MTMR9: variants seen among roughly 807,000 people sequenced by gnomAD.
The protein encoded by MTMR9 is myotubularin related protein 9, also known as myotubularin-related protein 9.
Under a neutral mutation model 69.5 loss-of-function variants are expected in MTMR9, and 39 were observed. That is an observed-to-expected ratio of 0.56 (90% confidence interval 0.43 to 0.73). The LOEUF is 0.73. MTMR9 is among the 30% of genes least tolerant of loss of function. The probability of loss-of-function intolerance (pLI) is 0.00; values close to 1 mark genes in which losing one functional copy is unlikely to be tolerated. For synonymous variants in MTMR9, 354 were observed against 240.8 expected (o/e 1.47, Z -4.35); for missense variants, 900 against 671.2 (o/e 1.34, Z -3.77).
rs114846188 is a variant in MTMR9 at position 11,306,110 on chromosome 8, T to A, written c.592-80T>A. 1.7e-3 allele frequency: 2,056 copies of A among 1,233,982 alleles called. 23 individuals are homozygous for A. In the African/African-American group the frequency reaches 0.026, roughly 16 times the overall value. The allele number at this position is 1,233,982 out of a possible 1,614,324, so 76.4% of individuals were successfully genotyped here. A position where few individuals can be genotyped will look rare whatever the true frequency, so the allele number is the denominator to read the frequency against. On this transcript the variant is annotated intron_variant, in intron 4 of 9. Transcript: ENST00000221086. ...TCACACAATTGTTTTTGAGATACTC[T>A]TAATCTAGCTAATTTCTTTCTGTTT... is the stretch of plus-strand genomic sequence containing the variant.
At chr8:11,298,241 T>G (rs1799624799) in intron 2 of MTMR9, among the ~76,000 whole-genome samples, 1 of 152,210 alleles carries the variant, frequency 6.6e-6, no homozygotes, top group Non-Finnish European at 1.5e-5. Flanking sequence ...GCTTATTGCC[T>G]GTGAGAGTGG....
intron 8 of MTMR9, chr8:11,318,622 AT>A (rs1161921516): frequency 6.6e-6 from 1 of 152,112 alleles, no homozygotes; most frequent in African/African-American, 2.4e-5. Flanking sequence ...GTTAAAATGT[AT>A]TTTTTTCTAA....
chr8:11,303,242 C>T (rs928385600), intron 3 of MTMR9, among the ~76,000 whole-genome samples: 7 of 149,434 alleles, frequency 4.7e-5, no homozygotes, highest in Admixed American at 1.4e-4. Context: ...TGGACAAGTG[C>T]GACGGGATGG....
intron 2 of MTMR9, among the ~76,000 whole-genome samples, chr8:11,297,593 C>G (rs1416402772): frequency 6.6e-6 from 1 of 150,690 alleles, no homozygotes; most frequent in Non-Finnish European, 1.5e-5. Flanking sequence ...TTTCTTATTC[C>G]TTTGTGAGAA....
downstream of MTMR9, among the ~76,000 whole-genome samples, chr8:11,333,132 A>ATAAGT (rs1563298957): frequency 6.6e-6 from 1 of 152,244 alleles, no homozygotes; most frequent in African/African-American, 2.4e-5. Flanking sequence ...GATGAAAGAC[A>ATAAGT]TAAGTGTACA....
At chr8:11,316,598 A>T in intron 7 of MTMR9, 75 bp from the exon 8 acceptor site, 1 of 881,400 alleles carries the variant, frequency 1.1e-6, no homozygotes, top group Admixed American at 2.9e-5. Context: ...GTAATTGTGT[A>T]TAGTGGTGTC....
rs187037291 is a variant in MTMR9 at position 11,319,968 on chromosome 8, T to G, written c.1486+130T>G. ...CCCTCAGACCTGTGTGAATTGTCAT[T>G]CTCAGTGTGGGCATGTTTTTCTCTT... On this transcript the variant is annotated intron_variant, in intron 9 of 9. Transcript: ENST00000221086. 438 of 821,446 alleles carry G rather than the reference T, an allele frequency of 5.3e-4. 3 individuals are homozygous for G. In the African/African-American group the frequency reaches 6.8e-3, roughly 13 times the overall value. The allele number at this position is 821,446 out of a possible 1,614,324, so 50.9% of individuals were successfully genotyped here. A position where few individuals can be genotyped will look rare whatever the true frequency, so the allele number is the denominator to read the frequency against.
At chr8:11,328,779 T>C (rs962697158), downstream of MTMR9, among the ~76,000 whole-genome samples, 2 of 152,224 alleles carry the variant, frequency 1.3e-5, no homozygotes, top group African/African-American at 4.8e-5. Flanking sequence ...AACTGGTAGA[T>C]ATCACCTTAT....
chr8:11,314,002 G>T (rs1171928974), intron 6 of MTMR9, among the ~76,000 whole-genome samples: 1 of 152,162 alleles, frequency 6.6e-6, no homozygotes, highest in Non-Finnish European at 1.5e-5. Flanking sequence ...ATCCATGAAC[G>T]AGCTATGCCT....
chr8:11,326,049 C>G lies in MTMR9; in HGVS notation c.*3261C>G, dbSNP rs1233180391. 6.6e-6 allele frequency: 1 copy of G among 152,052 alleles called. No homozygotes were observed. The highest frequency in any genetic ancestry group is 1.9e-4 in the East Asian group (1 of 5,202). 9.4% of individuals were successfully genotyped at this position (152,052 alleles called of 1,614,324 possible). On this transcript the variant is annotated 3_prime_UTR_variant, in exon 10 of 10. Transcript: ENST00000221086. ...GGATGAAATTTTGTGGGGTTTTAGT[C>G]TTTGATTCAGTCAGTATTTGGTTTA...
intron 7 of MTMR9, 78 bp from the exon 8 acceptor site, chr8:11,316,595 T>C: frequency 1.2e-6 from 1 of 826,772 alleles, no homozygotes; most frequent in Non-Finnish European, 1.8e-6. Context: ...ACTGTAATTG[T>C]GTATAGTGGT....
the MTMR9 span, among the ~76,000 whole-genome samples, chr8:11,337,455 G>T: frequency 2.0e-5 from 3 of 152,074 alleles, no homozygotes; most frequent in African/African-American, 7.2e-5. Flanking sequence ...ATTTTTGTGG[G>T]GTTTTTCCTC....
rs1585111087 is a variant in MTMR9 at position 11,294,987 on chromosome 8, A to G, written c.183-207A>G. On this transcript the variant is annotated intron_variant, in intron 1 of 9. Coordinates refer to ENST00000221086, the MANE Select transcript of MTMR9 (RefSeq NM_015458.4). ...GTTAGCTTAATGTGAATTACTTTAT[A>G]TATTTGAAATTTAAAAAAGACATAT... 9 of 347,310 alleles carry G rather than the reference A, an allele frequency of 2.6e-5. No individual in the cohort carries two copies. The East Asian group carries it at 4.1e-4, about 16-fold the overall frequency. 21.5% of individuals were successfully genotyped at this position (347,310 alleles called of 1,614,324 possible). A position where few individuals can be genotyped will look rare whatever the true frequency, so the allele number is the denominator to read the frequency against.
At chr8:11,291,202 A>G (rs969604104) in intron 1 of MTMR9, among the ~76,000 whole-genome samples, 27 of 152,180 alleles carry the variant, frequency 1.8e-4, no homozygotes, top group African/African-American at 5.3e-4. Context: ...TTGGAGTCAA[A>G]TTGACATCTT....
At chr8:11,309,725 C>A in intron 6 of MTMR9, 37 bp downstream of exon 6, 1 of 1,602,908 alleles carries the variant, frequency 6.2e-7, no homozygotes. Context: ...CGAAACATGG[C>A]GCTGCTAACT....
intron 4 of MTMR9, 78 bp downstream of exon 4, chr8:11,305,092 T>C (rs1198814667): frequency 1.4e-6 from 2 of 1,404,114 alleles, no homozygotes; most frequent in South Asian, 1.3e-5. Context: ...TCCCTTTTGC[T>C]CTCTGTCTGT....
At chr8:11,297,789 A>T (rs1049884520) in intron 2 of MTMR9, 3 of 447,924 alleles carry the variant, frequency 6.7e-6, no homozygotes, top group African/African-American at 4.0e-5. Context: ...ACTGAAAAGA[A>T]GCCGTAAATT....
Position 11,302,253 on chromosome 8 carries a change from C to CAA in MTMR9, c.417+2125_417+2126dup, listed in dbSNP as rs34305448. On this transcript the variant is annotated intron_variant, in intron 3 of 9. Transcript: ENST00000221086. ...GGGTGAGAGAGCAAGACCCTGTCTC[C>CAA]AAAAAAAAAAAAAAAAAAAAAGAGG... Among the ~76,000 whole-genome samples the CAA allele has an allele frequency of 3.0e-3, 179 of 58,884 alleles. 1 individual carries two copies. Among genetic ancestry groups the CAA allele is most frequent in the African/African-American group, 5.6e-3 (83 of 14,804 alleles). The allele number at this position is 58,884 out of a possible 152,430, so 38.6% of individuals were successfully genotyped here. A position where few individuals can be genotyped will look rare whatever the true frequency, so the allele number is the denominator to read the frequency against.
chr8:11,315,023 A>G lies in MTMR9; in HGVS notation c.1072A>G (p.Ile358Val), dbSNP rs775415715. ...CATCTTAGAGCCAAGAAGCAGGACC[A>G]TTCGTGGTTTTGAGGCCCTGATTGA... ...QIILEPRSRT[I>V]RGFEALIERE... The change falls in exon 7 of 10, where the codon ATT becomes GTT. Residue 358 changes from isoleucine (I) to valine (V), a missense_variant. Coordinates refer to ENST00000221086, the MANE Select transcript of MTMR9 (RefSeq NM_015458.4). 47 of 1,613,812 alleles carry G rather than the reference A, an allele frequency of 2.9e-5. 1 individual carries two copies. The highest frequency in any genetic ancestry group is 3.7e-5 in the Non-Finnish European group (44 of 1,179,838).
Sources: gnomAD v4.1 joint callset for allele counts (sites outside exome capture counted in the v4.1 genomes callset) on GRCh38, gnomAD v4.1.1 for gene constraint, MANE v1.5 for transcripts, NCBI Gene and HGNC (gene_info 2026-07-23, HGNC 2026-07-21) for gene names.